Variants in PDE1C observed in about 807,000 individuals in gnomAD.
PDE1C encodes dual specificity calcium/calmodulin-dependent 3',5'-cyclic nucleotide phosphodiesterase 1C.
In PDE1C, 62 loss-of-function variants were observed where a neutral mutation model predicts 93.1. The observed-to-expected ratio is 0.67, with a 90% CI of 0.54 to 0.82. The LOEUF (loss-of-function observed/expected upper bound fraction) is 0.82. PDE1C is among the 40% of genes least tolerant of loss of function. PDE1C has a pLI of 0.00. For synonymous variants in PDE1C, 325 were observed against 310.1 expected (o/e 1.05, Z -0.50); for missense variants, 742 against 884.6 (o/e 0.84, Z 2.04).
chr7:31,704,155 G>A, the PDE1C span, among the ~76,000 whole-genome samples: 2 of 152,172 alleles, frequency 1.3e-5, no homozygotes, highest in African/African-American at 2.4e-5. Context: ...TTGGGACATC[G>A]AAGATCAAAA....
chr7:31,885,267 T>G (rs1010171821), intron 2 of PDE1C, among the ~76,000 whole-genome samples: 1 of 152,198 alleles, frequency 6.6e-6, no homozygotes, highest in African/African-American at 2.4e-5. Flanking sequence ...TCTGAGAGAA[T>G]GAATGTTCAT....
At chr7:32,094,835 C>T (rs1351249035) in intron 3 of PDE1C, among the ~76,000 whole-genome samples, 2 of 152,210 alleles carry the variant, frequency 1.3e-5, no homozygotes, top group East Asian at 3.9e-4. Flanking sequence ...CCAGCTCCAT[C>T]TCTTGTTTTG....
At chr7:32,101,611 C>T (rs752434517) in intron 3 of PDE1C, among the ~76,000 whole-genome samples, 1 of 152,090 alleles carries the variant, frequency 6.6e-6, no homozygotes, top group Non-Finnish European at 1.5e-5. Flanking sequence ...CATGCTAGCT[C>T]CCCCTTTGCC....
chr7:31,921,142 C>T (rs1418220097), intron 2 of PDE1C, among the ~76,000 whole-genome samples: 1 of 152,174 alleles, frequency 6.6e-6, no homozygotes, highest in Admixed American at 6.5e-5. Context: ...TTTAGGATGG[C>T]ACAGGCTAGA....
the PDE1C span, among the ~76,000 whole-genome samples, chr7:31,622,874 GAAGAA>G: frequency 6.6e-6 from 1 of 151,996 alleles, no homozygotes; most frequent in African/African-American, 2.4e-5. Context: ...GACTAATAAA[GAAGAA>G]AAGAGAAGAC....
At chr7:31,813,587 T>C (rs1305571819) in intron 15 of PDE1C, among the ~76,000 whole-genome samples, 2 of 152,210 alleles carry the variant, frequency 1.3e-5, no homozygotes, top group Non-Finnish European at 2.9e-5. Flanking sequence ...TACTGCCCTC[T>C]AAAACAGTAA....
chr7:32,113,351 G>T (rs1798792069), intron 3 of PDE1C, among the ~76,000 whole-genome samples: 1 of 144,138 alleles, frequency 6.9e-6, no homozygotes, highest in African/African-American at 2.6e-5. Context: ...CAATTTCTGG[G>T]CTCTTTATTC....
intron 3 of PDE1C, among the ~76,000 whole-genome samples, chr7:32,117,167 T>G (rs993188038): frequency 1.3e-5 from 2 of 152,174 alleles, no homozygotes; most frequent in Non-Finnish European, 2.9e-5. Context: ...CAACTTCTCT[T>G]TCTATCCAAA....
chr7:31,989,080 GAGAA>G (rs1169686316), intron 2 of PDE1C, among the ~76,000 whole-genome samples: 7 of 147,152 alleles, frequency 4.8e-5, no homozygotes, highest in Non-Finnish European at 7.5e-5. Context: ...GAAAGAGAGA[GAGAA>G]AGAAACAAAG....
At chr7:32,056,792 C>CA (rs149313755) in intron 1 of PDE1C, among the ~76,000 whole-genome samples, 1,727 of 151,716 alleles carry the variant, frequency 0.011, 35 homozygotes, top group African/African-American at 0.04. Context: ...TTAAAAGTCA[C>CA]AAAAAAAAGG....
intron 1 of PDE1C, among the ~76,000 whole-genome samples, chr7:32,347,366 C>T (rs767563109): frequency 5.3e-5 from 8 of 152,066 alleles, no homozygotes; most frequent in Non-Finnish European, 1.0e-4. Flanking sequence ...TCTTTATAGA[C>T]CTTGCAGTTT....
intron 1 of PDE1C, among the ~76,000 whole-genome samples, chr7:32,412,403 C>T (rs935927874): frequency 7.5e-5 from 11 of 146,908 alleles, no homozygotes; most frequent in African/African-American, 2.6e-4. Flanking sequence ...TTGCAGTAAG[C>T]GGAGATCACA....
intron 2 of PDE1C, among the ~76,000 whole-genome samples, chr7:31,908,161 T>G (rs1800818815): frequency 6.9e-6 from 1 of 145,054 alleles, no homozygotes; most frequent in African/African-American, 2.5e-5. Context: ...TCATCAGTAA[T>G]GACTGAAAGT....
At chr7:32,175,153 C>T (rs10253009) in intron 2 of PDE1C, among the ~76,000 whole-genome samples, 32,391 of 152,014 alleles carry the variant, frequency 0.21, 4,269 homozygotes, top group Admixed American at 0.34. Flanking sequence ...ATTCACTCAA[C>T]ACTCACTCTC....
chr7:31,892,518 C>T (rs1036585351), intron 2 of PDE1C, among the ~76,000 whole-genome samples: 10 of 152,190 alleles, frequency 6.6e-5, no homozygotes, highest in Non-Finnish European at 1.2e-4. Context: ...CATCTTCCCT[C>T]TCCTTTTTCA....
intron 2 of PDE1C, among the ~76,000 whole-genome samples, chr7:32,043,800 T>G (rs559575140): frequency 2.2e-4 from 33 of 152,322 alleles, no homozygotes; most frequent in African/African-American, 7.7e-4. Context: ...ATTCTTGCCA[T>G]GCATGCCATC....
chr7:31,977,408 T>C (rs1039561626), intron 2 of PDE1C, among the ~76,000 whole-genome samples: 6 of 152,214 alleles, frequency 3.9e-5, no homozygotes, highest in Non-Finnish European at 7.3e-5. Flanking sequence ...ACCCATTCTG[T>C]GTAATTCTGT....
the PDE1C span, chr7:31,643,897 C>T: frequency 6.2e-7 from 1 of 1,613,908 alleles, no homozygotes. Flanking sequence ...CCAGGAAGCC[C>T]AGTTCATGAC....
intron 1 of PDE1C, among the ~76,000 whole-genome samples, chr7:32,373,031 C>G (rs1329583393): frequency 3.3e-5 from 5 of 152,192 alleles, no homozygotes; most frequent in Admixed American, 3.3e-4. Context: ...AATGATGTAG[C>G]CACTTTAGAA....
Sources: allele counts gnomAD v4.1 joint callset (sites outside exome capture counted in the v4.1 genomes callset), GRCh38; gene constraint gnomAD v4.1.1; transcripts MANE v1.5; gene names NCBI Gene and HGNC (gene_info 2026-07-23, HGNC 2026-07-21).